Variants in SMYD3 observed in about 807,000 individuals in gnomAD.
The protein encoded by SMYD3 is SET and MYND domain containing 3, also known as histone-lysine N-methyltransferase SMYD3.
In SMYD3, 36 loss-of-function variants were observed where a neutral mutation model predicts 57.7. The ratio of observed to expected loss-of-function variants is 0.62; its 90% confidence interval spans 0.48 to 0.82. SMYD3 has a LOEUF of 0.82. Ranked by LOEUF, SMYD3 falls within the 40% of genes least tolerant of loss-of-function variation. The pLI is 0.00. For synonymous variants in SMYD3, 211 were observed against 195.0 expected (o/e 1.08, Z -0.68); for missense variants, 515 against 538.8 (o/e 0.96, Z 0.44).
chr1:246,110,396 A>G (rs2061212708), intron 5 of SMYD3, among the ~76,000 whole-genome samples: 1 of 152,228 alleles, frequency 6.6e-6, no homozygotes, highest in South Asian at 2.1e-4. Flanking sequence ...GATGAATGGC[A>G]GACAGCTGAA....
At chr1:245,806,008 C>A (rs986233312) in intron 10 of SMYD3, among the ~76,000 whole-genome samples, 6 of 152,206 alleles carry the variant, frequency 3.9e-5, no homozygotes, top group Non-Finnish European at 7.3e-5. Context: ...CAATTCTGGA[C>A]ATTCCTTTCA....
At chr1:246,017,391 C>T (rs750105930) in intron 5 of SMYD3, among the ~76,000 whole-genome samples, 3 of 152,192 alleles carry the variant, frequency 2.0e-5, no homozygotes, top group Admixed American at 1.3e-4. Context: ...AATCATTCCA[C>T]CATGATCCTT....
chr1:246,128,629 G>C (rs940809790), intron 5 of SMYD3, among the ~76,000 whole-genome samples: 3 of 152,210 alleles, frequency 2.0e-5, no homozygotes, highest in Non-Finnish European at 4.4e-5. Flanking sequence ...GGTACAGCCA[G>C]TGAGCAGTGG....
intron 10 of SMYD3, among the ~76,000 whole-genome samples, chr1:245,831,892 T>C (rs1019217920): frequency 2.0e-5 from 3 of 152,192 alleles, no homozygotes; most frequent in Non-Finnish European, 4.4e-5. Context: ...TTTGGGCGTT[T>C]TGAATTGGAA....
intron 5 of SMYD3, among the ~76,000 whole-genome samples, chr1:246,047,271 G>T (rs183401409): frequency 1.3e-5 from 2 of 152,202 alleles, no homozygotes; most frequent in East Asian, 3.9e-4. Context: ...TGGGGAAAAA[G>T]AAAAGAAAAG....
chr1:245,833,184 T>G (rs2049946276), intron 10 of SMYD3, among the ~76,000 whole-genome samples: 1 of 152,128 alleles, frequency 6.6e-6, no homozygotes, highest in South Asian at 2.1e-4. Flanking sequence ...CTATACACCC[T>G]TTACCCAGTC....
At chr1:246,439,713 G>A (rs190062467) in intron 1 of SMYD3, among the ~76,000 whole-genome samples, 9 of 152,200 alleles carry the variant, frequency 5.9e-5, no homozygotes, top group East Asian at 1.9e-4. Flanking sequence ...TCTGGTAGGC[G>A]GGGGTGGGCG....
chr1:245,971,256 G>A (rs755497244), intron 5 of SMYD3, among the ~76,000 whole-genome samples: 3 of 152,086 alleles, frequency 2.0e-5, no homozygotes, highest in Non-Finnish European at 2.9e-5. Flanking sequence ...ATGAGAACAC[G>A]TGGACACAGG....
chr1:246,083,138 G>A (rs1395518906), intron 5 of SMYD3, among the ~76,000 whole-genome samples: 1 of 150,620 alleles, frequency 6.6e-6, no homozygotes, highest in Non-Finnish European at 1.5e-5. Context: ...AGTAAAAGAG[G>A]AAGGAATGCC....
At chr1:246,299,477 C>G (rs1283417938) in intron 5 of SMYD3, among the ~76,000 whole-genome samples, 1 of 152,138 alleles carries the variant, frequency 6.6e-6, no homozygotes, top group Non-Finnish European at 1.5e-5. Flanking sequence ...TTTGACCCAG[C>G]AATCCCATTA....
At chr1:246,506,707 T>C (rs879706029) in intron 1 of SMYD3, among the ~76,000 whole-genome samples, 1 of 152,126 alleles carries the variant, frequency 6.6e-6, no homozygotes, top group African/African-American at 2.4e-5. Context: ...AGGAAGACTG[T>C]CCAGCACACA....
At chr1:246,063,405 C>T (rs1253164088) in intron 5 of SMYD3, among the ~76,000 whole-genome samples, 1 of 152,168 alleles carries the variant, frequency 6.6e-6, no homozygotes, top group Non-Finnish European at 1.5e-5. Context: ...TCAGCATAAA[C>T]CATAATGTTG....
chr1:246,188,073 TA>T (rs1184762049), intron 5 of SMYD3, among the ~76,000 whole-genome samples: 2 of 152,088 alleles, frequency 1.3e-5, no homozygotes, highest in Admixed American at 1.3e-4. Flanking sequence ...TAATTTACAA[TA>T]AAAAAACTAA....
At chr1:245,983,194 C>T (rs1359385104) in intron 5 of SMYD3, among the ~76,000 whole-genome samples, 1 of 152,144 alleles carries the variant, frequency 6.6e-6, no homozygotes, top group East Asian at 1.9e-4. Flanking sequence ...ACATTGTTTT[C>T]AGTTATAACT....
At chr1:245,750,719 G>A (rs142071452) in intron 11 of SMYD3, among the ~76,000 whole-genome samples, 101 of 151,222 alleles carry the variant, frequency 6.7e-4, no homozygotes, top group African/African-American at 2.2e-3. Context: ...CTGCCCAAAT[G>A]GGGGGGTGGG....
chr1:246,123,139 T>A (rs777756661), intron 5 of SMYD3, among the ~76,000 whole-genome samples: 2 of 152,190 alleles, frequency 1.3e-5, no homozygotes, highest in Non-Finnish European at 2.9e-5. Context: ...CACAGATATC[T>A]GACATTTGGA....
At position 246,493,466 on chromosome 1, in the gene SMYD3, A is replaced by G. The variant is rs567084643; in HGVS notation, c.164+13588T>C. 5.3e-5 allele frequency among the ~76,000 whole-genome samples: 8 copies of G among 152,296 alleles called. No homozygotes were observed. In the South Asian group the frequency reaches 1.5e-3, roughly 28 times the overall value. ...AGACTCAGATTAACTTACTTACCCT[A>G]CTTACCCAGGCAGTAAAAACTAGGC... On this transcript the variant is annotated intron_variant, in intron 1 of 11. Transcript: ENST00000490107.
chr1:245,944,302 A>T (rs2057361796), intron 5 of SMYD3, among the ~76,000 whole-genome samples: 1 of 150,222 alleles, frequency 6.7e-6, no homozygotes. Context: ...TCTCGGGATT[A>T]AAAAAAAAAT....
intron 10 of SMYD3, among the ~76,000 whole-genome samples, chr1:245,839,063 G>T (rs961582281): frequency 6.6e-6 from 1 of 152,166 alleles, no homozygotes; most frequent in East Asian, 1.9e-4. Context: ...CTTTCTGGGC[G>T]GTGAGCTCTG....
Sources: gnomAD v4.1 joint callset for allele counts (sites outside exome capture counted in the v4.1 genomes callset) on GRCh38, gnomAD v4.1.1 for gene constraint, MANE v1.5 for transcripts, NCBI Gene and HGNC (gene_info 2026-07-23, HGNC 2026-07-21) for gene names.